Variants in CYBRD1 observed in about 807,000 individuals in gnomAD.
CYBRD1 encodes plasma membrane ascorbate-dependent reductase CYBRD1.
In CYBRD1, 14 loss-of-function variants were observed where a neutral mutation model predicts 21.9. The ratio of observed to expected loss-of-function variants is 0.64; its 90% CI spans 0.42 to 1.00. CYBRD1 has a LOEUF of 1.00. CYBRD1 is among the 50% of genes least tolerant of loss of function. The probability of loss-of-function intolerance (pLI) is 0.00; values close to 1 mark genes in which losing one functional copy is unlikely to be tolerated. For synonymous variants in CYBRD1, 146 were observed against 136.5 expected (o/e 1.07, Z -0.48); for missense variants, 328 against 352.5 (o/e 0.93, Z 0.56).
In CYBRD1 at chr2:171,556,728, C is replaced by T. The variant is rs1324575465; in HGVS notation, c.*1901C>T. 1 of 152,196 alleles carries T rather than the reference C, an allele frequency of 6.6e-6. No homozygotes were observed. Among genetic ancestry groups the T allele is most frequent in the Admixed American group, 6.6e-5 (1 of 15,244 alleles). 9.4% of individuals were successfully genotyped at this position (152,196 alleles called of 1,614,324 possible). On this transcript the variant is annotated 3_prime_UTR_variant, in exon 4 of 4. Coordinates refer to ENST00000321348, the MANE Select transcript of CYBRD1 (RefSeq NM_024843.4). The stretch of plus-strand genomic sequence containing the variant: ...ATTGGTAATAGAGCCAGAAGGATCC[C>T]CAGTACCCAGCCCTCTGCCTGGCAC...
chr2:171,523,798 A>G (rs1016808714), intron 1 of CYBRD1, among the ~76,000 whole-genome samples: 1 of 152,174 alleles, frequency 6.6e-6, no homozygotes, highest in Non-Finnish European at 1.5e-5. Context: ...TTTGGCGCAA[A>G]CACCATTTAT....
chr2:171,548,109 TTATTTA>T (rs754839892), intron 2 of CYBRD1, among the ~76,000 whole-genome samples: 1 of 151,936 alleles, frequency 6.6e-6, no homozygotes, highest in Admixed American at 6.5e-5. Context: ...CTGGTTAGAT[TTATTTA>T]TTTATTTATT....
In CYBRD1 at chr2:171,541,664, A is replaced by C. The variant is rs755473754; in HGVS notation, c.273A>C (p.Ala91=). The change falls in exon 2 of 4, where the codon GCA becomes GCC. Residue 91 remains alanine, a synonymous_variant. Coordinates refer to ENST00000321348, the MANE Select transcript of CYBRD1 (RefSeq NM_024843.4). ...LMKSIHAGLN[A]VAAILAIISV... ...AATCCATCCATGCAGGGTTAAATGCAGTTGCTGCCATTCTTGCAATTATCT... is the reference window on the plus strand; with the variant it reads ...AATCCATCCATGCAGGGTTAAATGCCGTTGCTGCCATTCTTGCAATTATCT... 1 of 1,613,832 alleles carries C rather than the reference A, an allele frequency of 6.2e-7. No homozygotes were observed. The highest frequency in any genetic ancestry group is 1.1e-5 in the South Asian group (1 of 91,054).
intron 1 of CYBRD1, among the ~76,000 whole-genome samples, chr2:171,528,107 T>G (rs1697410548): frequency 6.6e-6 from 1 of 151,908 alleles, no homozygotes; most frequent in East Asian, 1.9e-4. Flanking sequence ...TTTTTTGAGA[T>G]GGAGTTTTGC....
intron 2 of CYBRD1, among the ~76,000 whole-genome samples, chr2:171,548,948 A>G (rs764453395): frequency 5.4e-4 from 82 of 151,672 alleles, no homozygotes; most frequent in Non-Finnish European, 1.0e-3. Context: ...CTGTAAAAAT[A>G]AAAACAAAAA....
At chr2:171,544,486 A>T (rs1330082159) in intron 2 of CYBRD1, among the ~76,000 whole-genome samples, 1 of 152,230 alleles carries the variant, frequency 6.6e-6, no homozygotes, top group Non-Finnish European at 1.5e-5. Flanking sequence ...GAGCATTAAA[A>T]TTTTGTCTTT....
chr2:171,523,764 G>A (rs974978768), intron 1 of CYBRD1, among the ~76,000 whole-genome samples: 1 of 152,206 alleles, frequency 6.6e-6, no homozygotes, highest in Non-Finnish European at 1.5e-5. Flanking sequence ...TCGGTTTGCC[G>A]TGTAGCTGGA....
intron 2 of CYBRD1, among the ~76,000 whole-genome samples, chr2:171,550,252 T>C (rs1269014585): frequency 6.6e-6 from 1 of 152,092 alleles, no homozygotes; most frequent in East Asian, 1.9e-4. Flanking sequence ...ACTACAGGCA[T>C]GTGCCACCAT....
Position 171,541,681 on chromosome 2 carries a change from C to T in CYBRD1, c.290C>T (p.Ala97Val), listed in dbSNP as rs756425559. The T allele has an allele frequency of 6.2e-7, 1 of 1,613,756 alleles. No homozygotes were observed. The highest frequency in any genetic ancestry group is 1.1e-5 in the South Asian group (1 of 91,054). ...AGLNAVAAIL[A>V]IISVVAVFEN... Reference sequence around the variant, plus strand: ...TTAAATGCAGTTGCTGCCATTCTTGCAATTATCTCTGTGGTGGCCGTGTTT... The same window carrying T: ...TTAAATGCAGTTGCTGCCATTCTTGTAATTATCTCTGTGGTGGCCGTGTTT... The change falls in exon 2 of 4, where the codon GCA becomes GTA. Residue 97 changes from alanine (A) to valine (V), a missense_variant. Physicochemically the swap from Ala to Val is moderately conservative, Grantham distance 64. Coordinates refer to ENST00000321348, the MANE Select transcript of CYBRD1 (RefSeq NM_024843.4).
rs575278946 is a variant in CYBRD1, at chr2:171,555,304, C to A, written c.*477C>A. The A allele has an allele frequency of 5.8e-6, 1 of 171,004 alleles. No homozygotes were observed. The highest frequency in any genetic ancestry group is 1.3e-5 in the Non-Finnish European group (1 of 79,512). 10.6% of individuals were successfully genotyped at this position (171,004 alleles called of 1,614,324 possible). A position where few individuals can be genotyped will look rare whatever the true frequency, so the allele number is the denominator to read the frequency against. ...TTTAGATCATGACTCTACACAGATA[C>A]CATGATGAGAGTATATTAAAGAAAT... is the stretch of plus-strand genomic sequence containing the variant. On this transcript the variant is annotated 3_prime_UTR_variant, in exon 4 of 4. Coordinates refer to ENST00000321348, the MANE Select transcript of CYBRD1 (RefSeq NM_024843.4).
At chr2:171,522,426 G>A (rs1697318036), upstream of CYBRD1, 16 of 1,513,490 alleles carry the variant, frequency 1.1e-5, no homozygotes, top group South Asian at 1.9e-4. The surrounding 1 kb of genome is among the most constrained non-coding windows in gnomAD (Gnocchi z 4.3). Flanking sequence ...GTCCCTCCCC[G>A]CAGGCGGAGA....
In CYBRD1 at chr2:171,555,124, T is replaced by C. The variant is rs1012376777; in HGVS notation, c.*297T>C. The stretch of plus-strand genomic sequence containing the variant: ...GCAGAATAGATACTCAATATGTGAA[T>C]ATGTGTCTACTAGTAGTTAATTGGA... On this transcript the variant is annotated 3_prime_UTR_variant, in exon 4 of 4. Transcript: ENST00000321348. 3 of 399,282 alleles carry C rather than the reference T, an allele frequency of 7.5e-6. No individual in the cohort carries two copies. Among genetic ancestry groups the C allele is most frequent in the Non-Finnish European group, 1.4e-5 (3 of 216,068 alleles). The allele number at this position is 399,282 out of a possible 1,614,324, so 24.7% of individuals were successfully genotyped here.
At chr2:171,534,077 C>T (rs1407414011) in intron 1 of CYBRD1, among the ~76,000 whole-genome samples, 2 of 152,220 alleles carry the variant, frequency 1.3e-5, no homozygotes, top group Non-Finnish European at 2.9e-5. Flanking sequence ...GATAATTATA[C>T]ACAGGTATTC....
chr2:171,542,988 C>T (rs1225595968), intron 2 of CYBRD1, among the ~76,000 whole-genome samples: 1 of 152,038 alleles, frequency 6.6e-6, no homozygotes, highest in African/African-American at 2.4e-5. Context: ...ACTTAAAATA[C>T]ATAAGCTATT....
At chr2:171,531,335 A>T (rs771196881) in intron 1 of CYBRD1, among the ~76,000 whole-genome samples, 11 of 152,094 alleles carry the variant, frequency 7.2e-5, no homozygotes, top group Non-Finnish European at 1.6e-4. Context: ...TTTAATTAAC[A>T]TATTTATTAA....
chr2:171,550,952 C>A, intron 2 of CYBRD1: 1 of 195,626 alleles, frequency 5.1e-6, no homozygotes, highest in Non-Finnish European at 1.0e-5. Flanking sequence ...ATTTTCTTTT[C>A]CTTTCTTTTC....
intron 2 of CYBRD1, 64 bp downstream of exon 2, chr2:171,541,857 T>TTTTA: frequency 1.6e-6 from 2 of 1,246,630 alleles, no homozygotes; most frequent in Non-Finnish European, 2.2e-6. Flanking sequence ...AAATGTTTTC[T>TTTTA]TTTCTTTTTT....
intron 1 of CYBRD1, among the ~76,000 whole-genome samples, chr2:171,535,104 A>G (rs1697526052): frequency 6.6e-6 from 1 of 152,202 alleles, no homozygotes; most frequent in African/African-American, 2.4e-5. Flanking sequence ...AGCTGGTGGG[A>G]ACCAAGGATG....
At chr2:171,539,159 G>T (rs1697591580) in intron 1 of CYBRD1, among the ~76,000 whole-genome samples, 1 of 152,122 alleles carries the variant, frequency 6.6e-6, no homozygotes, top group African/African-American at 2.4e-5. Context: ...CTTTGGTGAA[G>T]TGAGGCTCCT....
Sources: gnomAD v4.1 joint callset for allele counts (sites outside exome capture counted in the v4.1 genomes callset) on GRCh38, gnomAD v4.1.1 for gene constraint, Gnocchi (gnomAD v3.1) non-coding constraint, MANE v1.5 for transcripts, NCBI Gene and HGNC (gene_info 2026-07-23, HGNC 2026-07-21) for gene names.